Variants in CSN2 observed in about 807,000 individuals in gnomAD.
CSN2 encodes the protein beta-casein.
Under a neutral mutation model 27.3 loss-of-function variants are expected in CSN2, and 27 were observed. That is an observed-to-expected ratio of 0.99 (90% CI 0.73 to 1.36). CSN2 has a LOEUF of 1.36. CSN2 is among the 40% of genes most tolerant of loss of function. The pLI is 0.00. For synonymous variants in CSN2, 131 were observed against 94.8 expected, an observed-to-expected ratio of 1.38 and a Z score of -2.22; for missense variants, 333 against 264.5, an observed-to-expected ratio of 1.26 and a Z score of -1.80.
At chr4:69,965,294 C>G (rs1438209409) in intron 1 of CSN2, among the ~76,000 whole-genome samples, 1 of 150,516 alleles carries the variant, frequency 6.6e-6, no homozygotes, top group African/African-American at 2.4e-5. Flanking sequence ...ATTTATCTAC[C>G]CATACTATAA....
rs770605846 is a variant in CSN2, at chr4:69,958,921, C to T, written c.132G>A (p.Gln44=). Residue 44 remains glutamine (Q), a synonymous_variant, in exon 5 of 8, where the codon CAG becomes CAA. Transcript: ENST00000353151. The part of the protein sequence containing the change: ...QKVEKVKHED[Q]QQGEDEHQDK... ...ATTAACAAATTACCTCTCCTTGCTG[C>T]TGGTCCTCATGTTTAACCTTCTCAA... The T allele has an allele frequency of 1.3e-6, 2 of 1,592,776 alleles. No homozygotes were observed. The highest frequency in any genetic ancestry group is 1.7e-5 in the Admixed American group (1 of 59,428).
At chr4:69,960,215 A>G (rs2673720) in intron 2 of CSN2, 136 bp from the exon 3 acceptor site, 69,816 of 737,416 alleles carry the variant, frequency 0.095, 3,878 homozygotes, top group Middle Eastern at 0.17. Flanking sequence ...TTCTGAAAAG[A>G]TGTTTAAAAA....
chr4:69,956,499 G>C, intron 6 of CSN2, 144 bp from the exon 7 acceptor site: 1 of 539,708 alleles, frequency 1.9e-6, no homozygotes, highest in East Asian at 4.4e-5. Context: ...AGTAAGGCTT[G>C]TGTAAAATAA....
chr4:69,964,241 G>A (rs961171374), intron 1 of CSN2, among the ~76,000 whole-genome samples: 2 of 151,966 alleles, frequency 1.3e-5, no homozygotes, highest in Non-Finnish European at 1.5e-5. Context: ...TCCGCCAAGG[G>A]GTCAGAGCCT....
intron 7 of CSN2, among the ~76,000 whole-genome samples, 189 bp downstream of exon 7, chr4:69,956,125 T>G (rs1015499856): frequency 6.6e-6 from 1 of 152,020 alleles, no homozygotes; most frequent in Non-Finnish European, 1.5e-5. Context: ...AAATTAAAGT[T>G]ATTTGAAATG....
At chr4:69,963,071 A>C (rs1723661563) in intron 1 of CSN2, among the ~76,000 whole-genome samples, 1 of 152,008 alleles carries the variant, frequency 6.6e-6, no homozygotes, top group South Asian at 2.1e-4. Flanking sequence ...GCGATCATTA[A>C]AAAGTCAGGA....
chr4:69,963,386 C>A (rs2109749003), intron 1 of CSN2, among the ~76,000 whole-genome samples: 1 of 152,102 alleles, frequency 6.6e-6, no homozygotes, highest in East Asian at 1.9e-4. Context: ...CACATATACA[C>A]CATGGAATAC....
At position 69,957,274 on chromosome 4, in the gene CSN2, A is replaced by T; in HGVS notation, c.675T>A (p.Ser225Arg). The part of the protein sequence containing the change: ...QPLAPVHNPI[S>R]V ...GCAAAGCCAGTAAATTTGGACTTAC[A>T]CTAATGGGGTTATGAACTGGGGCAA... The change falls in exon 6 of 8, where the codon AGT becomes AGA. Residue 225 changes from serine (S) to arginine (R), a missense_variant and splice_region_variant. By Grantham distance (110) the Ser-to-Arg change is moderately radical. Transcript: ENST00000353151. 2.0e-6 allele frequency: 3 copies of T among 1,529,320 alleles called. No homozygotes were observed. The highest frequency in any genetic ancestry group is 2.6e-6 in the Non-Finnish European group (3 of 1,138,330). The allele number at this position is 1,529,320 out of a possible 1,614,324, so 94.7% of individuals were successfully genotyped here.
intron 1 of CSN2, among the ~76,000 whole-genome samples, chr4:69,962,283 C>T (rs868228601): frequency 3.0e-4 from 45 of 152,098 alleles, no homozygotes; most frequent in African/African-American, 1.0e-3. Flanking sequence ...CAAGTAAATC[C>T]TAAGCCAAAA....
At chr4:69,956,281 G>C in intron 7 of CSN2, 33 bp downstream of exon 7, 1 of 1,319,360 alleles carries the variant, frequency 7.6e-7, no homozygotes, top group Non-Finnish European at 9.9e-7. Context: ...GTATAAAAAT[G>C]ATCAATTAAA....
intron 3 of CSN2, among the ~76,000 whole-genome samples, chr4:69,959,743 A>C (rs1723511187): frequency 6.6e-6 from 1 of 152,088 alleles, no homozygotes; most frequent in Non-Finnish European, 1.5e-5. Context: ...GACCCATAGA[A>C]GGCCGTCAGT....
intron 1 of CSN2, among the ~76,000 whole-genome samples, chr4:69,964,125 C>A (rs191768730): frequency 6.6e-6 from 1 of 152,246 alleles, no homozygotes; most frequent in Admixed American, 6.6e-5. Flanking sequence ...ATCTTCCCCA[C>A]ATAGCTAATA....
rs746485707 is a variant in CSN2, at chr4:69,957,470, GTC to G, written c.477_478del (p.Gln159HisfsTer46). Reference sequence around the variant, plus strand: ...CAGGGGCTGAGGGGGAAGTGCAAGAGTCTGAGGAATAGGCTGAGGGACCTGCT... The same window carrying G: ...CAGGGGCTGAGGGGGAAGTGCAAGAGTGAGGAATAGGCTGAGGGACCTGCT... On this transcript the variant is annotated frameshift_variant, in exon 6 of 8. Transcript: ENST00000353151. LOFTEE classifies it high-confidence loss of function. 2 of 1,613,852 alleles carry G rather than the reference GTC, an allele frequency of 1.2e-6. No homozygotes were observed. Among genetic ancestry groups the G allele is most frequent in the South Asian group, 2.2e-5 (2 of 91,072 alleles).
At position 69,960,071 on chromosome 4, in the gene CSN2, T is replaced by C. The variant is rs768526883; in HGVS notation, c.60A>G (p.Glu20=). 8.7e-6 allele frequency: 14 copies of C among 1,611,792 alleles called. No homozygotes were observed. In the South Asian group the frequency reaches 1.5e-4, roughly 18 times the overall value. Residue 20 remains glutamate, a synonymous_variant, in exon 3 of 8, where the codon GAA becomes GAG. Transcript: ENST00000353151. ...AACTTACCTCACTGCTTGAAAGGCTTTCTATGGTCTGTGGGAAAAAAAAAT... is the reference window on the plus strand; with the variant it reads ...AACTTACCTCACTGCTTGAAAGGCTCTCTATGGTCTGTGGGAAAAAAAAAT... ...VALALARETI[E]SLSSSEESIT...
At chr4:69,955,903 T>A (rs1287958961) in intron 7 of CSN2, among the ~76,000 whole-genome samples, 3 of 152,082 alleles carry the variant, frequency 2.0e-5, no homozygotes, top group Non-Finnish European at 2.9e-5. Context: ...AACTCATGAA[T>A]TAAAAGATAA....
At chr4:69,962,488 G>C (rs1185396678) in intron 1 of CSN2, among the ~76,000 whole-genome samples, 3 of 152,134 alleles carry the variant, frequency 2.0e-5, no homozygotes, top group African/African-American at 7.2e-5. Flanking sequence ...ATGGGGAAAG[G>C]ATTCCCTATT....
At chr4:69,962,614 C>T (rs1404023711) in intron 1 of CSN2, among the ~76,000 whole-genome samples, 1 of 152,148 alleles carries the variant, frequency 6.6e-6, no homozygotes, top group Admixed American at 6.6e-5. Flanking sequence ...ACATGTCAGA[C>T]CTAAAACCAT....
intron 5 of CSN2, among the ~76,000 whole-genome samples, chr4:69,958,473 A>G (rs1723472263): frequency 6.6e-6 from 1 of 152,178 alleles, no homozygotes; most frequent in Admixed American, 6.5e-5. Flanking sequence ...ACATATCACC[A>G]TAAATGTAAT....
intron 2 of CSN2, 104 bp from the exon 3 acceptor site, chr4:69,960,183 A>G: frequency 9.7e-7 from 1 of 1,029,968 alleles, no homozygotes; most frequent in Non-Finnish European, 1.5e-6. Flanking sequence ...ATCTCACCTC[A>G]GAGGATGCAT....
Sources: allele counts gnomAD v4.1 joint callset (sites outside exome capture counted in the v4.1 genomes callset), GRCh38; gene constraint gnomAD v4.1.1; transcripts MANE v1.5; gene names NCBI Gene and HGNC (gene_info 2026-07-23, HGNC 2026-07-21).